The following POLG2 variants were observed in gnomAD, a reference collection of about 807,000 sequenced individuals.
The protein encoded by POLG2 is DNA polymerase gamma 2, accessory subunit, also known as DNA polymerase subunit gamma-2.
POLG2 carries 50 observed loss-of-function variants against 56.5 expected under a neutral mutation model. The observed-to-expected ratio is 0.88, with a 90% CI of 0.71 to 1.12. The LOEUF is 1.12. Among genes scored for constraint, POLG2 ranks in the 50% most tolerant of loss-of-function variants. The pLI, the probability that POLG2 is intolerant of heterozygous loss-of-function variation, is 0.00. For synonymous variants in POLG2, 226 were observed against 222.6 expected, an observed-to-expected ratio of 1.02 and a Z score of -0.14; for missense variants, 584 against 583.3, an observed-to-expected ratio of 1.00 and a Z score of -0.01.
chr17:64,491,811 C>T (rs905101571), intron 3 of POLG2: 14 of 492,762 alleles, frequency 2.8e-5, no homozygotes, highest in Non-Finnish European at 4.1e-5. Flanking sequence ...TCTGCACTCC[C>T]CCAGCAACCT....
chr17:64,490,063 T>A (rs782253186), intron 4 of POLG2, among the ~76,000 whole-genome samples: 4 of 152,102 alleles, frequency 2.6e-5, no homozygotes, highest in Non-Finnish European at 4.4e-5. Context: ...TAGCTGAGAC[T>A]ATAAGGGCAA....
At chr17:64,491,425 T>A in intron 3 of POLG2, 1 of 745,264 alleles carries the variant, frequency 1.3e-6, no homozygotes, top group Non-Finnish European at 2.1e-6. Flanking sequence ...CAAGACTTCA[T>A]CTCTACAAAT....
intron 6 of POLG2, chr17:64,481,245 C>A: frequency 4.1e-6 from 4 of 983,868 alleles, no homozygotes; most frequent in Non-Finnish European, 4.8e-6. Context: ...GGCTGCCATA[C>A]CCTGGGAGAA....
Position 64,485,834 on chromosome 17 carries a change from A to G in POLG2, c.1004T>C (p.Val335Ala), listed in dbSNP as rs781792699. 1.2e-6 allele frequency: 2 copies of G among 1,613,998 alleles called. No homozygotes were observed. Among genetic ancestry groups the G allele is most frequent in the South Asian group, 2.2e-5 (2 of 91,086 alleles). The change falls in exon 5 of 8, where the codon GTT becomes GCT. Residue 335 changes from valine to alanine, a missense_variant. Coordinates refer to ENST00000539111, the MANE Select transcript of POLG2 (RefSeq NM_007215.4). ...RDGRKNVVPC[V>A]LSVNGDLDRG... ...GTCTAGGTCCCCATTTACAGAGAGAACACAAGGAACCACATTTTTTCGTCC... is the reference window on the plus strand; with the variant it reads ...GTCTAGGTCCCCATTTACAGAGAGAGCACAAGGAACCACATTTTTTCGTCC...
intron 7 of POLG2, among the ~76,000 whole-genome samples, chr17:64,479,706 ACT>A (rs2037825888): frequency 6.6e-6 from 1 of 152,180 alleles, no homozygotes; most frequent in African/African-American, 2.4e-5. Context: ...GATATTGGTG[ACT>A]CTAACTTGGG....
At chr17:64,482,825 A>C (rs2037884207) in intron 6 of POLG2, 94 bp downstream of exon 6, 4 of 773,344 alleles carry the variant, frequency 5.2e-6, no homozygotes, top group Non-Finnish European at 9.2e-6. Context: ...AAATATACCA[A>C]AAAAATCCGA....
chr17:64,478,000 GTAGT>G lies in POLG2; in HGVS notation c.1293-16_1293-13del. The stretch of plus-strand genomic sequence containing the variant: ...TCATTTCATCATACCTAAGAAAAAA[GTAGT>G]TAAACAGACACATGAGCACAAATGT... On this transcript the variant is annotated splice_polypyrimidine_tract_variant and intron_variant, in intron 7 of 7. Coordinates refer to ENST00000539111, the MANE Select transcript of POLG2 (RefSeq NM_007215.4). The G allele has an allele frequency of 6.2e-7, 1 of 1,612,944 alleles. No homozygotes were observed. Among genetic ancestry groups the G allele is most frequent in the Non-Finnish European group, 8.5e-7 (1 of 1,179,244 alleles).
rs114022053 is a variant in POLG2 at position 64,487,877 on chromosome 17, T to G, written c.970-2009A>C. 9.6e-3 allele frequency among the ~76,000 whole-genome samples: 1,462 copies of G among 152,176 alleles called. 15 individuals are homozygous for G. The highest frequency in any genetic ancestry group is 0.033 in the African/African-American group (1,377 of 41,522). On this transcript the variant is annotated intron_variant, in intron 4 of 7. Transcript: ENST00000539111. ...AAAAGATTGTTTATTGTTTTCTAAT[T>G]TTTTGAAAATTGGATATCCAACAAT...
intron 4 of POLG2, chr17:64,490,563 T>C: frequency 5.7e-6 from 3 of 522,728 alleles, no homozygotes; most frequent in Non-Finnish European, 1.0e-5. Context: ...GACCTATAAA[T>C]GCCATTATTG....
intron 5 of POLG2, among the ~76,000 whole-genome samples, 189 bp from the exon 6 acceptor site, chr17:64,483,188 C>T (rs2037891892): frequency 6.6e-6 from 1 of 152,054 alleles, no homozygotes; most frequent in Admixed American, 6.6e-5. Flanking sequence ...TCAGCTGCCC[C>T]CCAGATTTCT....
intron 1 of POLG2, among the ~76,000 whole-genome samples, chr17:64,494,312 A>G (rs2038114122): frequency 6.6e-6 from 1 of 152,188 alleles, no homozygotes; most frequent in Non-Finnish European, 1.5e-5. Flanking sequence ...TTATTGCATC[A>G]TAACATGAGG....
chr17:64,483,334 T>C (rs1304104857), intron 5 of POLG2, among the ~76,000 whole-genome samples: 1 of 151,456 alleles, frequency 6.6e-6, no homozygotes, highest in Non-Finnish European at 1.5e-5. Context: ...GGCAACACGG[T>C]GAAAACTTCT....
At chr17:64,483,802 C>T (rs1003651270) in intron 5 of POLG2, among the ~76,000 whole-genome samples, 1 of 151,784 alleles carries the variant, frequency 6.6e-6, no homozygotes, top group South Asian at 2.1e-4. Context: ...ACCCCCACCT[C>T]TGGGCTCAAG....
chr17:64,478,576 A>G (rs1461054597), intron 7 of POLG2, among the ~76,000 whole-genome samples: 2 of 152,072 alleles, frequency 1.3e-5, no homozygotes, highest in East Asian at 3.8e-4. Flanking sequence ...TTTATTGTCT[A>G]TTTTGTCCTA....
chr17:64,489,222 A>C lies in POLG2; in HGVS notation c.969+1574T>G, dbSNP rs539914678. On this transcript the variant is annotated intron_variant, in intron 4 of 7. Transcript: ENST00000539111. ...GACAATTTGACCATCAAAATAAATA[A>C]TGACAGTAACACACTGTAACCCCCT... Among the ~76,000 whole-genome samples, 30 of 151,890 alleles carry C rather than the reference A, an allele frequency of 2.0e-4. 1 individual carries two copies. The highest frequency in any genetic ancestry group is 1.0e-3 in the South Asian group (5 of 4,812).
At chr17:64,486,258 C>T (rs527877471) in intron 4 of POLG2, among the ~76,000 whole-genome samples, 4 of 152,054 alleles carry the variant, frequency 2.6e-5, no homozygotes, top group Non-Finnish European at 5.9e-5. Flanking sequence ...AGATTCTGAA[C>T]GAACTCAACT....
At position 64,494,969 on chromosome 17, in the gene POLG2, A is replaced by G. The variant is rs7214650; in HGVS notation, c.562+1438T>C. Among the ~76,000 whole-genome samples, 483 of 151,342 alleles carry G rather than the reference A, an allele frequency of 3.2e-3. 1 individual carries two copies. Among genetic ancestry groups the G allele is most frequent in the Non-Finnish European group, 4.9e-3 (333 of 67,734 alleles). On this transcript the variant is annotated intron_variant, in intron 1 of 7. Transcript: ENST00000539111. ...CGGGCGGATCACAAGGTCAGGAGATAGAGACCATCCTGGCTAACAAGGTGA... is the reference window on the plus strand; with the variant it reads ...CGGGCGGATCACAAGGTCAGGAGATGGAGACCATCCTGGCTAACAAGGTGA...
chr17:64,496,156 G>T (rs2038146901), intron 1 of POLG2, among the ~76,000 whole-genome samples: 1 of 152,212 alleles, frequency 6.6e-6, no homozygotes, highest in African/African-American at 2.4e-5. Context: ...ACTGTGTTCA[G>T]AAGTTGCCCC....
At chr17:64,478,505 A>G (rs543332606) in intron 7 of POLG2, among the ~76,000 whole-genome samples, 4 of 152,338 alleles carry the variant, frequency 2.6e-5, no homozygotes, top group Admixed American at 6.5e-5. Flanking sequence ...AAGTCACACT[A>G]TCTCATTACT....
Sources: gnomAD v4.1 joint callset for allele counts (sites outside exome capture counted in the v4.1 genomes callset) on GRCh38, gnomAD v4.1.1 for gene constraint, MANE v1.5 for transcripts, NCBI Gene and HGNC (gene_info 2026-07-23, HGNC 2026-07-21) for gene names.